Variants in HNF1B observed in about 807,000 individuals in gnomAD.
The protein encoded by HNF1B is hepatocyte nuclear factor 1-beta.
In HNF1B, 8 loss-of-function variants were observed where a neutral mutation model predicts 61.7. That is an observed-to-expected ratio of 0.13 (90% confidence interval 0.08 to 0.23). The LOEUF is 0.23. Ranked by LOEUF, HNF1B falls within the 10% of genes least tolerant of loss-of-function variation. HNF1B has a pLI of 1.00. For synonymous variants in HNF1B, 314 were observed against 287.7 expected (o/e 1.09, Z -0.93); for missense variants, 562 against 714.5 (o/e 0.79, Z 2.43).
chr17:37,740,994 A>G (rs928478812), intron 1 of HNF1B, among the ~76,000 whole-genome samples: 1 of 152,172 alleles, frequency 6.6e-6, no homozygotes, highest in Admixed American at 6.5e-5. Flanking sequence ...CAATATATAC[A>G]TGTTTACTAT....
chr17:37,739,347 G>A, intron 2 of HNF1B, 93 bp downstream of exon 2: 2 of 1,165,118 alleles, frequency 1.7e-6, no homozygotes, highest in Middle Eastern at 2.7e-4. Flanking sequence ...TGCTCACAAG[G>A]CCTTGTCGAT....
chr17:37,708,620 GC>G, intron 5 of HNF1B, among the ~76,000 whole-genome samples: 1 of 152,212 alleles, frequency 6.6e-6, no homozygotes, highest in Non-Finnish European at 1.5e-5. Flanking sequence ...CTCCATGGAA[GC>G]CTGGGTAATC....
At chr17:37,720,349 G>T (rs1322528865) in intron 4 of HNF1B, among the ~76,000 whole-genome samples, 4 of 152,138 alleles carry the variant, frequency 2.6e-5, no homozygotes, top group African/African-American at 9.7e-5. Context: ...TAGTTTACTA[G>T]TAGAACATTA....
At chr17:37,720,704 T>C (rs2033284214) in intron 4 of HNF1B, 3 of 778,350 alleles carry the variant, frequency 3.9e-6, no homozygotes, top group African/African-American at 3.8e-5. Flanking sequence ...CACAGGGCTA[T>C]GGGCTGGAGA....
chr17:37,743,261 G>T (rs746793815), intron 1 of HNF1B, among the ~76,000 whole-genome samples: 1 of 152,172 alleles, frequency 6.6e-6, no homozygotes, highest in Non-Finnish European at 1.5e-5. Flanking sequence ...CGCCCCAGCC[G>T]CTCCTAGGGG....
At chr17:37,738,438 GA>G (rs1360457698) in intron 2 of HNF1B, among the ~76,000 whole-genome samples, 3 of 152,092 alleles carry the variant, frequency 2.0e-5, no homozygotes, top group African/African-American at 7.2e-5. Flanking sequence ...AAGCAACAGG[GA>G]AAAAACCCAA....
chr17:37,705,829 T>C (rs1450575848), intron 5 of HNF1B, among the ~76,000 whole-genome samples: 1 of 152,262 alleles, frequency 6.6e-6, no homozygotes, highest in African/African-American at 2.4e-5. Context: ...CTTATTTTGC[T>C]TCTGATGTTA....
chr17:37,733,492 C>A, intron 3 of HNF1B, 65 bp downstream of exon 3: 1 of 1,591,068 alleles, frequency 6.3e-7, no homozygotes, highest in Non-Finnish European at 8.6e-7. Flanking sequence ...ATCCCAGGAC[C>A]GAGGGGAGGG....
At chr17:37,733,507 T>TG (rs779045882) in intron 3 of HNF1B, 50 bp downstream of exon 3, 2 of 1,611,752 alleles carry the variant, frequency 1.2e-6, no homozygotes, top group Non-Finnish European at 1.7e-6. Flanking sequence ...GGAGGGTTCC[T>TG]GGGTCTGTGT....
chr17:37,727,072 A>G (rs1325685504), intron 4 of HNF1B, among the ~76,000 whole-genome samples: 1 of 152,168 alleles, frequency 6.6e-6, no homozygotes, highest in Non-Finnish European at 1.5e-5. Flanking sequence ...AGCTTGGGCC[A>G]AGGCTAGCCA....
At chr17:37,737,222 C>T (rs1356743731) in intron 2 of HNF1B, among the ~76,000 whole-genome samples, 3 of 152,198 alleles carry the variant, frequency 2.0e-5, no homozygotes, top group African/African-American at 7.2e-5. Flanking sequence ...ATCATGCTTG[C>T]ATGTCTTACA....
At chr17:37,733,262 C>T (rs1388169731) in intron 3 of HNF1B, among the ~76,000 whole-genome samples, 2 of 152,094 alleles carry the variant, frequency 1.3e-5, no homozygotes, top group South Asian at 2.1e-4. Flanking sequence ...TGTACTCTAC[C>T]GAAGATTCCA....
chr17:37,733,465 A>AT (rs2033746056), intron 3 of HNF1B, 92 bp downstream of exon 3: 1 of 1,406,632 alleles, frequency 7.1e-7, no homozygotes, highest in African/African-American at 1.4e-5. Flanking sequence ...ACTTATCTGT[A>AT]TAACTAGTGT....
In HNF1B at chr17:37,700,044, T is replaced by C. The variant is rs143774560; in HGVS notation, c.1535-850A>G. Among the ~76,000 whole-genome samples the C allele has an allele frequency of 1.0e-3, 157 of 152,386 alleles. 7 individuals carry two copies. In the East Asian group the frequency reaches 0.023, roughly 22 times the overall value. On this transcript the variant is annotated intron_variant, in intron 7 of 8. Transcript: ENST00000617811. ...TCATAATGACTCTAAATGCATACTA[T>C]TTCCATTTTATGGATGTAGAGATTG...
rs1411755159 is a variant in HNF1B, at chr17:37,733,834, A to G, written c.545-13T>C. ...GTCTGGTTGAATTCTGAAAAGAGAA[A>G]GGAGTAGATTTGATAGGGTCTGTAG... On this transcript the variant is annotated splice_polypyrimidine_tract_variant and intron_variant, in intron 2 of 8. Transcript: ENST00000617811. The G allele has an allele frequency of 1.2e-6, 2 of 1,613,926 alleles. No individual in the cohort carries two copies. Among genetic ancestry groups the G allele is most frequent in the Admixed American group, 3.3e-5 (2 of 60,014 alleles).
intron 4 of HNF1B, among the ~76,000 whole-genome samples, chr17:37,728,147 A>G (rs1393443365): frequency 6.6e-6 from 1 of 151,790 alleles, no homozygotes; most frequent in Non-Finnish European, 1.5e-5. Flanking sequence ...GATTACAGGC[A>G]CCTGCCACCA....
intron 6 of HNF1B, among the ~76,000 whole-genome samples, chr17:37,703,961 T>C (rs973037388): frequency 1.3e-5 from 2 of 152,182 alleles, no homozygotes; most frequent in Non-Finnish European, 2.9e-5. Context: ...ACATGAGCCC[T>C]AGATACAAGG....
intron 1 of HNF1B, 74 bp downstream of exon 1, chr17:37,744,467 C>T (rs928757322): frequency 6.8e-7 from 1 of 1,468,270 alleles, no homozygotes; most frequent in Non-Finnish European, 9.4e-7. Flanking sequence ...TGTGGTCGGG[C>T]GCAGTGTCAC....
chr17:37,740,515 G>A (rs2147579510), intron 1 of HNF1B, among the ~76,000 whole-genome samples: 1 of 152,264 alleles, frequency 6.6e-6, no homozygotes, highest in East Asian at 1.9e-4. Context: ...CTTCTAAGAA[G>A]CAAGGAGGAT....
Sources: allele counts gnomAD v4.1 joint callset (sites outside exome capture counted in the v4.1 genomes callset), GRCh38; gene constraint gnomAD v4.1.1; transcripts MANE v1.5; gene names NCBI Gene and HGNC (gene_info 2026-07-23, HGNC 2026-07-21).